The following ANO9 variants were observed in gnomAD, a reference collection of about 807,000 sequenced individuals.
The protein encoded by ANO9 is anoctamin-9.
Under a neutral mutation model 100.5 loss-of-function variants are expected in ANO9, and 80 were observed. The ratio of observed to expected loss-of-function variants is 0.80; its 90% CI spans 0.66 to 0.96. ANO9 has a LOEUF of 0.96. Among genes scored for constraint, ANO9 ranks in the 40% least tolerant of loss-of-function variants. ANO9 has a pLI of 0.00. For missense variants in ANO9, 1,064 were observed against 1,072.7 expected, an observed-to-expected ratio of 0.99 and a Z score of 0.11; for synonymous variants, 473 against 435.6, an observed-to-expected ratio of 1.09 and a Z score of -1.07.
At chr11:419,512 G>C (rs1385780729) in intron 20 of ANO9, 70 bp downstream of exon 20, 9 of 1,570,024 alleles carry the variant, frequency 5.7e-6, no homozygotes, top group Non-Finnish European at 7.8e-6. Flanking sequence ...GAAAGGGTCT[G>C]GATCCCCCAG....
intron 7 of ANO9, among the ~76,000 whole-genome samples, chr11:430,685 C>T (rs1198492680): frequency 1.1e-5 from 1 of 91,310 alleles, no homozygotes; most frequent in Admixed American, 1.0e-4. Context: ...ATGGGAAGCA[C>T]ATCTGTGGGC....
intron 11 of ANO9, among the ~76,000 whole-genome samples, chr11:429,074 C>T (rs1848711896): frequency 7.4e-6 from 1 of 135,394 alleles, no homozygotes; most frequent in Non-Finnish European, 1.6e-5. Flanking sequence ...CACGGGTGGA[C>T]AGACACGGGA....
At chr11:419,050 CCA>C in intron 20 of ANO9, 61 bp from the exon 21 acceptor site, 1 of 1,609,002 alleles carries the variant, frequency 6.2e-7, no homozygotes, top group Non-Finnish European at 8.5e-7. Flanking sequence ...CCTTCAGGCC[CCA>C]GAGTGCTTCT....
rs1256196549 is a variant in ANO9, at chr11:421,578, C to T, written c.1335-380G>A. Among the ~76,000 whole-genome samples the T allele has an allele frequency of 6.2e-5, 6 of 96,998 alleles. No homozygotes were observed. Among genetic ancestry groups the T allele is most frequent in the Admixed American group, 2.1e-4 (2 of 9,496 alleles). The allele number at this position is 96,998 out of a possible 152,430, so 63.6% of individuals were successfully genotyped here. ...GATGAACCGCACCCACACGTGGGCG[C>T]GCGCACACACACACACACCCCCACA... On this transcript the variant is annotated intron_variant, in intron 15 of 22. Transcript: ENST00000332826. This position sits in a 1 kb window ranked among gnomAD's most constrained non-coding sequence, Gnocchi z 6.8.
At chr11:436,216 C>T (rs1025377491) in intron 1 of ANO9, among the ~76,000 whole-genome samples, 3 of 151,898 alleles carry the variant, frequency 2.0e-5, no homozygotes, top group African/African-American at 4.8e-5. Context: ...TACAGGCATG[C>T]GCCACCACGC....
At chr11:419,101 G>C in intron 20 of ANO9, 112 bp from the exon 21 acceptor site, 1 of 1,543,702 alleles carries the variant, frequency 6.5e-7, no homozygotes, top group Non-Finnish European at 8.7e-7. Context: ...TGGGGGCCAC[G>C]CCACAGACTG....
chr11:419,463 A>G, intron 20 of ANO9, 119 bp downstream of exon 20: 1 of 1,461,860 alleles, frequency 6.8e-7, no homozygotes. Context: ...AGCCTCACTA[A>G]AGCCCCAGGG....
At position 420,827 on chromosome 11, in the gene ANO9, G is replaced by A. The variant is rs1848133004; in HGVS notation, c.1524C>T (p.Ala508=). 6.3e-7 allele frequency: 1 copy of A among 1,591,654 alleles called. No individual in the cohort carries two copies. The highest frequency in any genetic ancestry group is 1.3e-5 in the African/African-American group (1 of 74,688). The part of the protein sequence containing the change: ...WVTHKCRSLR[A]SESGHLPRDP... ...CCCGGGGCAGGTGCCCGGACTCGGA[G>A]GCCCGCAGAGAGCGGCACTTGTGGG... The change falls in exon 18 of 23, where the codon GCC becomes GCT. Residue 508 remains alanine (A), a synonymous_variant. Transcript: ENST00000332826.
chr11:429,157 C>T (rs1452874192), intron 11 of ANO9, among the ~76,000 whole-genome samples: 1 of 140,658 alleles, frequency 7.1e-6, no homozygotes, highest in Non-Finnish European at 1.5e-5. Context: ...ACACTCACCC[C>T]ACACGTGGGG....
chr11:430,407 C>T lies in ANO9; in HGVS notation c.540-4G>A, dbSNP rs200468100. 1.3e-6 allele frequency: 2 copies of T among 1,513,698 alleles called. No homozygotes were observed. Among genetic ancestry groups the T allele is most frequent in the East Asian group, 5.0e-5 (2 of 39,744 alleles). The allele number at this position is 1,513,698 out of a possible 1,614,324, so 93.8% of individuals were successfully genotyped here. ...CACCTTTTCCCCAAAGTAGTTCCTG[C>T]AGGCAGCAGGGGTCAAGGCCAGCTG... On this transcript the variant is annotated splice_polypyrimidine_tract_variant and splice_region_variant and intron_variant, in intron 7 of 22. Coordinates refer to ENST00000332826, the MANE Select transcript of ANO9 (RefSeq NM_001012302.3).
rs758294086 is a variant in ANO9 at position 433,338 on chromosome 11, G to A, written c.326C>T (p.Pro109Leu). 2.6e-5 allele frequency: 42 copies of A among 1,612,582 alleles called. No individual in the cohort carries two copies. Among genetic ancestry groups the A allele is most frequent in the Non-Finnish European group, 3.4e-5 (40 of 1,179,736 alleles). The change falls in exon 4 of 23, where the codon CCG becomes CTG. Residue 109 changes from proline (P) to leucine (L), a missense_variant. Pro to Leu is a moderately conservative substitution (Grantham distance 98). Transcript: ENST00000332826. ...CCTCGTGGTGACCGGGATGGTGGTC[G>A]GCGCGGCCAGCTCGGCGTGGGGGGC... Reference protein sequence around the residue: ...GPAPHAELAAPTTIPVTTSLR... With the variant: ...GPAPHAELAALTTIPVTTSLR...
chr11:432,032 A>C lies in ANO9; in HGVS notation c.373T>G (p.Phe125Val), dbSNP rs1275380059. ...GAGGTCTTGTTGTTCATGACAACGA[A>C]GTTCACGATTCGGATTCTGAGACTC... ...TTSLRIRIVN[F>V]VVMNNKTSAG... is the part of the protein sequence containing the mutation. Residue 125 changes from phenylalanine to valine, a missense_variant, in exon 5 of 23, where the codon TTC (phenylalanine) becomes GTC (valine). By Grantham distance (50) the Phe-to-Val change is conservative. Transcript: ENST00000332826. This position sits in a 1 kb window ranked among gnomAD's most constrained non-coding sequence, Gnocchi z 4.8. The C allele has an allele frequency of 1.2e-6, 2 of 1,612,824 alleles. No homozygotes were observed. Among genetic ancestry groups the C allele is most frequent in the Non-Finnish European group, 1.7e-6 (2 of 1,179,758 alleles).
At position 421,251 on chromosome 11, in the gene ANO9, A is replaced by G; in HGVS notation, c.1335-53T>C. 1 of 1,465,030 alleles carries G rather than the reference A, an allele frequency of 6.8e-7. No individual in the cohort carries two copies. The highest frequency in any genetic ancestry group is 9.1e-7 in the Non-Finnish European group (1 of 1,104,126). 90.8% of individuals were successfully genotyped at this position (1,465,030 alleles called of 1,614,324 possible). On this transcript the variant is annotated intron_variant, in intron 15 of 22. Transcript: ENST00000332826. The surrounding 1 kb of genome is among the most constrained non-coding windows in gnomAD (Gnocchi z 6.8). The stretch of plus-strand genomic sequence containing the variant: ...CTGCGGGCAGCGCCCTGCCTCTGAC[A>G]GGGTGGGTGCAGCAGGACAGAAGCG...
chr11:419,206 C>G, intron 20 of ANO9: 2 of 1,429,996 alleles, frequency 1.4e-6, no homozygotes, highest in South Asian at 3.0e-5. Context: ...AGCCACTTTC[C>G]CTGCCAGAGA....
In ANO9 at chr11:422,847, T is replaced by G. The variant is rs76536293; in HGVS notation, c.1335-1649A>C. 1.3e-5 allele frequency among the ~76,000 whole-genome samples: 2 copies of G among 151,564 alleles called. No individual in the cohort carries two copies. Among genetic ancestry groups the G allele is most frequent in the African/African-American group, 4.9e-5 (2 of 41,018 alleles). ...TCCCACAGAATTTTTTTTTTTTTTTTCAGACAGAGTCTTGCTCTGTCACCC... is the reference window on the plus strand; with the variant it reads ...TCCCACAGAATTTTTTTTTTTTTTTGCAGACAGAGTCTTGCTCTGTCACCC... On this transcript the variant is annotated intron_variant, in intron 15 of 22. Coordinates refer to ENST00000332826, the MANE Select transcript of ANO9 (RefSeq NM_001012302.3). This position sits in a 1 kb window ranked among gnomAD's most constrained non-coding sequence, Gnocchi z 4.3.
Position 433,355 on chromosome 11 carries a change from G to C in ANO9, c.309C>G (p.His103Gln), listed in dbSNP as rs145003945. The change falls in exon 4 of 23, where the codon CAC becomes CAG. Residue 103 changes from histidine to glutamine, a missense_variant. Coordinates refer to ENST00000332826, the MANE Select transcript of ANO9 (RefSeq NM_001012302.3). ...LLLEPEGPAP[H>Q]AELAAPTTIP... Reference sequence around the variant, plus strand: ...TGGTGGTCGGCGCGGCCAGCTCGGCGTGGGGGGCAGGCCCCTCAGGCTCCA... The same window carrying C: ...TGGTGGTCGGCGCGGCCAGCTCGGCCTGGGGGGCAGGCCCCTCAGGCTCCA... 5 of 1,612,916 alleles carry C rather than the reference G, an allele frequency of 3.1e-6. No homozygotes were observed. The highest frequency in any genetic ancestry group is 1.1e-5 in the South Asian group (1 of 91,082).
chr11:433,504 G>GTCTATTCCACCTCAGAACCCTCCCCC, intron 3 of ANO9, 45 bp from the exon 4 acceptor site: 1 of 1,570,834 alleles, frequency 6.4e-7, no homozygotes, highest in Non-Finnish European at 8.7e-7. Context: ...AACCCTCCCC[G>GTCTATTCCACCTCAGAACCCTCCCCC]CTCTATCCCG....
chr11:423,079 C>T (rs1303610394), intron 15 of ANO9, among the ~76,000 whole-genome samples: 5 of 152,166 alleles, frequency 3.3e-5, no homozygotes, highest in Non-Finnish European at 4.4e-5. Context: ...CCGCCCACCT[C>T]GGCCTCCCAA....
intron 19 of ANO9, chr11:419,971 C>G: frequency 7.2e-7 from 1 of 1,398,372 alleles, no homozygotes; most frequent in Non-Finnish European, 9.3e-7. Context: ...CTCCATCTTC[C>G]TGAACTTCTC....
Sources: allele counts gnomAD v4.1 joint callset (sites outside exome capture counted in the v4.1 genomes callset), GRCh38; gene constraint gnomAD v4.1.1; non-coding constraint Gnocchi (gnomAD v3.1); transcripts MANE v1.5; gene names NCBI Gene and HGNC (gene_info 2026-07-23, HGNC 2026-07-21).